TMEM177: variants seen among roughly 807,000 people sequenced by gnomAD.
TMEM177 encodes the protein transmembrane protein 177.
A neutral mutation model predicts 14.2 loss-of-function variants in TMEM177; 4 were observed. The observed-to-expected ratio is 0.28, with a 90% CI of 0.14 to 0.64. The LOEUF is 0.64. Ranked by LOEUF, TMEM177 falls within the 30% of genes least tolerant of loss-of-function variation. The probability of loss-of-function intolerance (pLI) is 0.82; values close to 1 mark genes in which losing one functional copy is unlikely to be tolerated. For synonymous variants in TMEM177, 179 were observed against 174.5 expected (o/e 1.03, Z -0.20); for missense variants, 344 against 405.2 (o/e 0.85, Z 1.30).
chr2:119,680,713 A>T, intron 1 of TMEM177, 119 bp from the exon 2 acceptor site: 2 of 752,972 alleles, frequency 2.7e-6, no homozygotes, highest in Non-Finnish European at 4.3e-6. Context: ...TCTAGAGCCC[A>T]CACTCTTCAC....
downstream of TMEM177, chr2:119,682,125 C>CT (rs1688923948): frequency 1.2e-5 from 1 of 80,462 alleles, no homozygotes; most frequent in Non-Finnish European, 2.6e-5. Context: ...CCTTCTTGGT[C>CT]GTTTTTTTTT....
the TMEM177 span, among the ~76,000 whole-genome samples, chr2:119,720,767 A>G: frequency 6.6e-6 from 1 of 152,184 alleles, no homozygotes; most frequent in Non-Finnish European, 1.5e-5. Context: ...TTATTGTTTA[A>G]GTTATTTTTT....
At chr2:119,711,837 G>C in the TMEM177 span, among the ~76,000 whole-genome samples, 3 of 152,160 alleles carry the variant, frequency 2.0e-5, no homozygotes, top group African/African-American at 7.2e-5. Context: ...TCCCTGAGAT[G>C]ACAGTCCTGG....
the TMEM177 span, among the ~76,000 whole-genome samples, chr2:119,705,558 C>T: frequency 1.3e-4 from 19 of 151,922 alleles, no homozygotes; most frequent in African/African-American, 4.3e-4. Flanking sequence ...CACAACATGG[C>T]AGCTTACTTC....
At chr2:119,694,280 CCACACACA>C in the TMEM177 span, among the ~76,000 whole-genome samples, 27 of 149,796 alleles carry the variant, frequency 1.8e-4, no homozygotes, top group South Asian at 1.1e-3. Flanking sequence ...GTGTGGTATA[CCACACACA>C]CACACACACA....
the TMEM177 span, among the ~76,000 whole-genome samples, chr2:119,722,815 C>A: frequency 2.6e-5 from 4 of 152,196 alleles, no homozygotes; most frequent in African/African-American, 9.7e-5. Flanking sequence ...GGGCCTTTAA[C>A]AGATACTTAT....
chr2:119,696,075 G>T, the TMEM177 span, among the ~76,000 whole-genome samples: 1 of 152,218 alleles, frequency 6.6e-6, no homozygotes, highest in Non-Finnish European at 1.5e-5. Context: ...GGCGCAAGGG[G>T]CTGTGACCAT....
the TMEM177 span, among the ~76,000 whole-genome samples, chr2:119,713,977 G>A: frequency 8.5e-5 from 13 of 152,342 alleles, no homozygotes; most frequent in East Asian, 5.8e-4. Context: ...CCGGCCTGCC[G>A]CTTCAGGGAA....
chr2:119,719,239 C>G, the TMEM177 span, among the ~76,000 whole-genome samples: 1 of 152,216 alleles, frequency 6.6e-6, no homozygotes, highest in Admixed American at 6.5e-5. Context: ...TGACAACACT[C>G]CTGAGCTCTA....
chr2:119,713,560 C>A, the TMEM177 span, among the ~76,000 whole-genome samples: 29 of 152,258 alleles, frequency 1.9e-4, no homozygotes, highest in East Asian at 3.5e-3. Context: ...CACCATCTGG[C>A]CTGGCATGAT....
Position 119,680,881 on chromosome 2 carries a change from G to A in TMEM177, c.28G>A (p.Ala10Thr), listed in dbSNP as rs1277699974. 6.2e-7 allele frequency: 1 copy of A among 1,614,020 alleles called. No individual in the cohort carries two copies. The highest frequency in any genetic ancestry group is 2.2e-5 in the East Asian group (1 of 44,880). The change falls in exon 2 of 2, where the codon GCA becomes ACA. Residue 10 changes from alanine to threonine, a missense_variant. Ala to Thr is a moderately conservative substitution (Grantham distance 58). Transcript: ENST00000272521. Reference sequence around the variant, plus strand: ...GGCAGGTCCCCTGTGGCGGACCGCAGCATTTGTGCAGAGACACAGGACAGG... The same window carrying A: ...GGCAGGTCCCCTGTGGCGGACCGCAACATTTGTGCAGAGACACAGGACAGG... MAGPLWRTAAFVQRHRTGLL... is the reference protein window; with the variant it reads MAGPLWRTATFVQRHRTGLL...
At chr2:119,691,966 C>T in the TMEM177 span, among the ~76,000 whole-genome samples, 2 of 152,206 alleles carry the variant, frequency 1.3e-5, no homozygotes, top group African/African-American at 2.4e-5. Flanking sequence ...GATGGCCCAG[C>T]CTCGCAGTCT....
downstream of TMEM177, among the ~76,000 whole-genome samples, chr2:119,683,710 C>T (rs1688956751): frequency 6.6e-6 from 1 of 152,208 alleles, no homozygotes. Flanking sequence ...CTCACACAAG[C>T]CTTACATGCT....
At chr2:119,685,131 C>T (rs910698969), downstream of TMEM177, among the ~76,000 whole-genome samples, 3 of 151,964 alleles carry the variant, frequency 2.0e-5, no homozygotes, top group Admixed American at 6.6e-5. Context: ...TGCCCGACAT[C>T]CCAGAGCAAC....
chr2:119,680,714 C>G (rs1688871928), intron 1 of TMEM177, 118 bp from the exon 2 acceptor site: 1 of 752,966 alleles, frequency 1.3e-6, no homozygotes, highest in South Asian at 1.9e-5. Flanking sequence ...CTAGAGCCCA[C>G]ACTCTTCACC....
the TMEM177 span, among the ~76,000 whole-genome samples, chr2:119,706,232 G>A: frequency 2.6e-5 from 4 of 152,076 alleles, no homozygotes; most frequent in South Asian, 8.3e-4. Context: ...CGCCACGTTG[G>A]CCAGGCTGGT....
At position 119,680,961 on chromosome 2, in the gene TMEM177, C is replaced by A; in HGVS notation, c.108C>A (p.Leu36=). ...TTGGAGTTCCAATCTCGTACCACCT[C>A]TTCCCGGATCCCGTGGTCCAATGGC... is the stretch of plus-strand genomic sequence containing the variant. ...GLFGVPISYH[L]FPDPVVQWLY... Residue 36 remains leucine (L), a synonymous_variant, in exon 2 of 2, where the codon CTC becomes CTA. Transcript: ENST00000272521. 6.2e-7 allele frequency: 1 copy of A among 1,614,232 alleles called. No homozygotes were observed. Among genetic ancestry groups the A allele is most frequent in the Non-Finnish European group, 8.5e-7 (1 of 1,180,036 alleles).
At chr2:119,693,475 C>T in the TMEM177 span, among the ~76,000 whole-genome samples, 93 of 152,220 alleles carry the variant, frequency 6.1e-4, no homozygotes, top group Middle Eastern at 6.8e-3. Flanking sequence ...GGAGAAGGAG[C>T]GTCTGCACCA....
chr2:119,714,246 A>G, the TMEM177 span, among the ~76,000 whole-genome samples: 2 of 152,176 alleles, frequency 1.3e-5, no homozygotes, highest in Non-Finnish European at 2.9e-5. Context: ...GTCAAGAGAA[A>G]TGGGGACAGA....
Sources: gnomAD v4.1 joint callset for allele counts (sites outside exome capture counted in the v4.1 genomes callset) on GRCh38, gnomAD v4.1.1 for gene constraint, MANE v1.5 for transcripts, NCBI Gene and HGNC (gene_info 2026-07-23, HGNC 2026-07-21) for gene names.